ITGAM: variants seen among roughly 807,000 people sequenced by gnomAD.
The protein encoded by ITGAM is integrin subunit alpha M, also known as integrin alpha-M.
ITGAM carries 79 observed loss-of-function variants against 137.5 expected under a neutral mutation model. The observed-to-expected ratio is 0.57, with a 90% CI of 0.48 to 0.69. The LOEUF (loss-of-function observed/expected upper bound fraction) is 0.69. Ranked by LOEUF, ITGAM falls within the 30% of genes least tolerant of loss-of-function variation. ITGAM has a pLI of 0.00. For synonymous variants in ITGAM, 583 were observed against 592.3 expected, an observed-to-expected ratio of 0.98 and a Z score of 0.23; for missense variants, 1,343 against 1,483.5, an observed-to-expected ratio of 0.91 and a Z score of 1.56.
chr16:31,311,016 A>C (rs1183554587), intron 14 of ITGAM, among the ~76,000 whole-genome samples: 1 of 152,182 alleles, frequency 6.6e-6, no homozygotes, highest in Non-Finnish European at 1.5e-5. Context: ...CAAACCTGAC[A>C]AAAAGAAGAA....
At chr16:31,284,697 G>T (rs1035448634) in intron 12 of ITGAM, among the ~76,000 whole-genome samples, 22 of 152,264 alleles carry the variant, frequency 1.4e-4, no homozygotes, top group African/African-American at 5.3e-4. Context: ...GACCCACCCT[G>T]CTTTGGCTCA....
rs569732535 is a variant in ITGAM, at chr16:31,305,385, G to T, written c.1707+7431G>T. Among the ~76,000 whole-genome samples the T allele has an allele frequency of 1.6e-4, 24 of 152,194 alleles. 2 individuals carry two copies. The South Asian group carries it at 5.0e-3, about 32-fold the overall frequency. On this transcript the variant is annotated intron_variant, in intron 14 of 29. Coordinates refer to ENST00000544665, the MANE Select transcript of ITGAM (RefSeq NM_000632.4). Reference sequence around the variant, plus strand: ...AGCCTTTAGCATTTTCTAGGTAAATGATCATATCATTGGCAAACAGCTCTA... The same window carrying T: ...AGCCTTTAGCATTTTCTAGGTAAATTATCATATCATTGGCAAACAGCTCTA...
At chr16:31,273,247 G>T in intron 7 of ITGAM, 118 bp from the exon 8 acceptor site, 1 of 861,256 alleles carries the variant, frequency 1.2e-6, no homozygotes, top group Non-Finnish European at 1.8e-6. Context: ...AGTGAGCTAT[G>T]ATTGTGTCTC....
intron 16 of ITGAM, among the ~76,000 whole-genome samples, chr16:31,323,655 G>A (rs1272071831): frequency 1.3e-5 from 2 of 152,170 alleles, no homozygotes; most frequent in Admixed American, 1.3e-4. Context: ...AAAAGACACT[G>A]TGCTAAATAC....
intron 23 of ITGAM, chr16:31,328,918 A>G (rs1474393129): frequency 7.4e-5 from 35 of 473,696 alleles, no homozygotes; most frequent in Non-Finnish European, 1.1e-4. Flanking sequence ...GTGTCTGAGG[A>G]TCTATGTGCA....
intron 14 of ITGAM, among the ~76,000 whole-genome samples, chr16:31,309,801 T>G (rs2080305782): frequency 6.6e-6 from 1 of 152,200 alleles, no homozygotes; most frequent in Admixed American, 6.5e-5. Flanking sequence ...CGGCTGTTCC[T>G]TTCCATGTTT....
At position 31,271,918 on chromosome 16, in the gene ITGAM, C is replaced by A. The variant is rs761171328; in HGVS notation, c.630C>A (p.Asn210Lys). ...TCAAAGAGTTCCAGAACAACCCTAA[C>A]CCAAGATCACTGGTGAAGCCAATAA... ...FTFKEFQNNP[N>K]PRSLVKPITQ... The change falls in exon 7 of 30, where the codon AAC (asparagine) becomes AAA (lysine). Residue 210 changes from asparagine (N) to lysine (K), a missense_variant. Coordinates refer to ENST00000544665, the MANE Select transcript of ITGAM (RefSeq NM_000632.4). 2.4e-5 allele frequency: 39 copies of A among 1,613,902 alleles called. No individual in the cohort carries two copies. The highest frequency in any genetic ancestry group is 3.2e-5 in the Non-Finnish European group (38 of 1,179,910).
chr16:31,290,455 C>A (rs2080075942), intron 12 of ITGAM, among the ~76,000 whole-genome samples: 1 of 151,990 alleles, frequency 6.6e-6, no homozygotes, highest in Admixed American at 6.6e-5. Context: ...TGTGATTCAC[C>A]ATAACAGCAG....
intron 14 of ITGAM, among the ~76,000 whole-genome samples, chr16:31,303,847 A>T (rs1247761887): frequency 6.6e-6 from 1 of 152,068 alleles, no homozygotes; most frequent in Non-Finnish European, 1.5e-5. Context: ...ATAACTTTTT[A>T]AAATCCACTC....
At chr16:31,306,660 C>T (rs771106106) in intron 14 of ITGAM, among the ~76,000 whole-genome samples, 29 of 152,018 alleles carry the variant, frequency 1.9e-4, no homozygotes, top group African/African-American at 6.5e-4. Flanking sequence ...TACAGGAGTG[C>T]GCCACCATGC....
chr16:31,328,506 G>C (rs1208838102), intron 23 of ITGAM, among the ~76,000 whole-genome samples: 1 of 151,460 alleles, frequency 6.6e-6, no homozygotes, highest in Non-Finnish European at 1.5e-5. Flanking sequence ...GTGGATGTGA[G>C]TGTGATCTAT....
Position 31,324,735 on chromosome 16 carries a change from C to A in ITGAM, c.2242C>A (p.Leu748Ile). 1 of 1,595,028 alleles carries A rather than the reference C, an allele frequency of 6.3e-7. No individual in the cohort carries two copies. Among genetic ancestry groups the A allele is most frequent in the Middle Eastern group, 1.7e-4 (1 of 5,952 alleles). Residue 748 changes from leucine (L) to isoleucine (I), a missense_variant, in exon 18 of 30, where the codon CTC becomes ATC. Transcript: ENST00000544665. The surrounding 1 kb of genome is among the most constrained non-coding windows in gnomAD (Gnocchi z 4.5). Reference sequence around the variant, plus strand: ...AACGCCATTGTCTGCTTTCGGGAACCTCCGGCCAGTGCTGGCGGAGGATGC... The same window carrying A: ...AACGCCATTGTCTGCTTTCGGGAACATCCGGCCAGTGCTGGCGGAGGATGC... ...VGTPLSAFGN[L>I]RPVLAEDAQR...
Position 31,324,979 on chromosome 16 carries a change from G to C in ITGAM, c.2311G>C (p.Gly771Arg), listed in dbSNP as rs2080491418. Residue 771 changes from glycine to arginine, a missense_variant, in exon 19 of 30, where the codon GGC becomes CGC. Physicochemically the swap from Gly to Arg is moderately radical, Grantham distance 125. Coordinates refer to ENST00000544665, the MANE Select transcript of ITGAM (RefSeq NM_000632.4). The surrounding 1 kb of genome is among the most constrained non-coding windows in gnomAD (Gnocchi z 4.5). ...AAAGTTTCCCTTTGAGAAGAATTGT[G>C]GCAATGACAACATCTGCCAGGATGA... ...TALFPFEKNC[G>R]NDNICQDDLS... 6.2e-7 allele frequency: 1 copy of C among 1,612,588 alleles called. No individual in the cohort carries two copies. The highest frequency in any genetic ancestry group is 1.1e-5 in the South Asian group (1 of 90,876).
intron 26 of ITGAM, 24 bp downstream of exon 26, chr16:31,330,188 G>A (rs375209484): frequency 6.8e-6 from 11 of 1,609,788 alleles, no homozygotes; most frequent in Non-Finnish European, 9.3e-6. Flanking sequence ...TCAGCCCCAG[G>A]GCCACACAGA....
chr16:31,323,414 G>C (rs1249319089), intron 16 of ITGAM, among the ~76,000 whole-genome samples: 3 of 133,218 alleles, frequency 2.3e-5, no homozygotes, highest in African/African-American at 8.7e-5. Flanking sequence ...TGACAAGAGC[G>C]AAACTCCATT....
intron 14 of ITGAM, among the ~76,000 whole-genome samples, chr16:31,298,867 C>T (rs1395088156): frequency 6.6e-6 from 1 of 152,144 alleles, no homozygotes; most frequent in Admixed American, 6.6e-5. Flanking sequence ...GATGACTTGT[C>T]ACCCTATATT....
chr16:31,308,385 T>A (rs1370452072), intron 14 of ITGAM, among the ~76,000 whole-genome samples: 1 of 152,192 alleles, frequency 6.6e-6, no homozygotes, highest in East Asian at 1.9e-4. Context: ...TGGGAGAGTG[T>A]ATGTGTCGAG....
At chr16:31,261,189 T>C (rs954549639) in intron 1 of ITGAM, among the ~76,000 whole-genome samples, 2 of 148,280 alleles carry the variant, frequency 1.3e-5, no homozygotes, top group African/African-American at 5.1e-5. Context: ...CAGGAAGACA[T>C]GCTGCTATCT....
intron 27 of ITGAM, 27 bp from the exon 28 acceptor site, chr16:31,330,477 G>T (rs749227809): frequency 6.2e-7 from 1 of 1,610,814 alleles, no homozygotes; most frequent in South Asian, 1.1e-5. Flanking sequence ...GGGCCCAGGT[G>T]CAGTGCCCAC....
Sources: allele counts gnomAD v4.1 joint callset (sites outside exome capture counted in the v4.1 genomes callset), GRCh38; gene constraint gnomAD v4.1.1; non-coding constraint Gnocchi (gnomAD v3.1); transcripts MANE v1.5; gene names NCBI Gene and HGNC (gene_info 2026-07-23, HGNC 2026-07-21).